Variants in ABCC4 observed in about 807,000 individuals in gnomAD.
ABCC4 encodes the protein ATP-binding cassette sub-family C member 4.
Under a neutral mutation model 168.5 loss-of-function variants are expected in ABCC4, and 102 were observed. The observed-to-expected ratio is 0.61, with a 90% CI of 0.52 to 0.71. The LOEUF is 0.71. Among genes scored for constraint, ABCC4 ranks in the 30% least tolerant of loss-of-function variants. The probability of loss-of-function intolerance (pLI) is 0.00; values close to 1 mark genes in which losing one functional copy is unlikely to be tolerated. For missense variants in ABCC4, 1,402 were observed against 1,605.8 expected, an observed-to-expected ratio of 0.87 and a Z score of 2.17; for synonymous variants, 617 against 590.7, an observed-to-expected ratio of 1.04 and a Z score of -0.65.
At position 95,104,122 on chromosome 13, in the gene ABCC4, T is replaced by G. The variant is rs577943241; in HGVS notation, c.2535+11800A>C. On this transcript the variant is annotated intron_variant, in intron 20 of 30. Coordinates refer to ENST00000645237, the MANE Select transcript of ABCC4 (RefSeq NM_005845.5). The stretch of plus-strand genomic sequence containing the variant: ...TTGAGGTTTTTTTGGTTTGGGTTTT[T>G]TTGTTGTTGTTGTTGAGATGGAGTC... 3.3e-4 allele frequency among the ~76,000 whole-genome samples: 50 copies of G among 152,258 alleles called. 1 individual carries two copies. The highest frequency in any genetic ancestry group is 3.4e-3 in the Middle Eastern group (1 of 294).
At chr13:95,263,791 T>C (rs7991972) in intron 1 of ABCC4, among the ~76,000 whole-genome samples, 56,254 of 151,030 alleles carry the variant, frequency 0.37, 12,268 homozygotes, top group African/African-American at 0.62. Context: ...CCACTGTACT[T>C]CAGCCTGGGT....
chr13:95,286,684 C>T (rs1250980676), intron 1 of ABCC4, among the ~76,000 whole-genome samples: 1 of 152,086 alleles, frequency 6.6e-6, no homozygotes, highest in East Asian at 1.9e-4. Flanking sequence ...AGGCCGGGCG[C>T]GGAGGCTCAC....
intron 19 of ABCC4, among the ~76,000 whole-genome samples, chr13:95,126,645 T>C (rs993286551): frequency 6.8e-6 from 1 of 147,982 alleles, no homozygotes; most frequent in Non-Finnish European, 1.5e-5. Context: ...TTTTAATATC[T>C]GGGAACCGCC....
intron 1 of ABCC4, among the ~76,000 whole-genome samples, chr13:95,272,395 A>T (rs1397415303): frequency 1.3e-5 from 2 of 151,998 alleles, no homozygotes; most frequent in African/African-American, 4.8e-5. Context: ...TCTCTAAGCA[A>T]TCTAATTTAT....
chr13:95,201,562 T>C (rs1029557655), intron 8 of ABCC4, among the ~76,000 whole-genome samples: 1 of 152,222 alleles, frequency 6.6e-6, no homozygotes, highest in Non-Finnish European at 1.5e-5. Context: ...TGTCTGCCTT[T>C]TGTAAGTTTA....
intron 29 of ABCC4, among the ~76,000 whole-genome samples, chr13:95,039,741 T>C (rs1316254722): frequency 2.0e-5 from 3 of 152,216 alleles, no homozygotes; most frequent in Non-Finnish European, 4.4e-5. Context: ...ATATAAAAAT[T>C]AAGTGAACAA....
Position 95,269,437 on chromosome 13 carries a change from ATATATAT to A in ABCC4, c.75-21691_75-21685del, listed in dbSNP as rs1566586383. 778 of 99,438 alleles carry A rather than the reference ATATATAT, an allele frequency of 7.8e-3. 7 individuals are homozygous for A. The highest frequency in any genetic ancestry group is 0.04 in the African/African-American group (610 of 15,094). 6.2% of individuals were successfully genotyped at this position (99,438 alleles called of 1,614,324 possible). A position where few individuals can be genotyped will look rare whatever the true frequency, so the allele number is the denominator to read the frequency against. On this transcript the variant is annotated intron_variant, in intron 1 of 30. Transcript: ENST00000645237. Reference sequence around the variant, plus strand: ...CGAGACTCCATCTCAAAAAAAAAATATATATATATATATATATATATACACACAACAT... The same window carrying A: ...CGAGACTCCATCTCAAAAAAAAAATAATATATATATATATACACACAACAT...
At chr13:95,218,870 G>C (rs2039200989) in intron 4 of ABCC4, among the ~76,000 whole-genome samples, 1 of 130,382 alleles carries the variant, frequency 7.7e-6, no homozygotes, top group Non-Finnish European at 1.6e-5. Context: ...AAAAAGAAAA[G>C]AAAAGAAAAG....
At chr13:95,104,715 C>T (rs978248327) in intron 20 of ABCC4, among the ~76,000 whole-genome samples, 1 of 152,128 alleles carries the variant, frequency 6.6e-6, no homozygotes. Context: ...AGCATGAATA[C>T]GTTGAGGAAG....
chr13:95,196,953 C>T (rs2038474248), intron 8 of ABCC4, among the ~76,000 whole-genome samples: 1 of 152,178 alleles, frequency 6.6e-6, no homozygotes, highest in African/African-American at 2.4e-5. Context: ...CATGACCCAG[C>T]AGCACTGACA....
intron 1 of ABCC4, among the ~76,000 whole-genome samples, chr13:95,273,617 T>C (rs575447000): frequency 6.6e-6 from 1 of 151,710 alleles, no homozygotes; most frequent in South Asian, 2.1e-4. Context: ...CAAATGCCTC[T>C]TCCTGCTGGC....
At chr13:95,280,898 G>A (rs2138915223) in intron 1 of ABCC4, among the ~76,000 whole-genome samples, 1 of 152,044 alleles carries the variant, frequency 6.6e-6, no homozygotes, top group South Asian at 2.1e-4. Flanking sequence ...TTCTTCAAAT[G>A]GACCAATTTT....
chr13:95,066,867 C>T (rs2033566144), intron 25 of ABCC4, among the ~76,000 whole-genome samples: 1 of 152,214 alleles, frequency 6.6e-6, no homozygotes, highest in African/African-American at 2.4e-5. Flanking sequence ...CACTGGCCTG[C>T]CATACTGGTC....
chr13:95,271,550 T>C (rs1339620728), intron 1 of ABCC4, among the ~76,000 whole-genome samples: 1 of 152,218 alleles, frequency 6.6e-6, no homozygotes, highest in East Asian at 1.9e-4. Context: ...GTATTTGCGT[T>C]ACCTCAGCCC....
intron 21 of ABCC4, among the ~76,000 whole-genome samples, chr13:95,080,093 C>T (rs554695363): frequency 6.6e-6 from 1 of 152,280 alleles, no homozygotes; most frequent in South Asian, 2.1e-4. Context: ...AACAGCCTTC[C>T]CTATTCCTGT....
chr13:95,218,963 A>AAG (rs1186058509), intron 4 of ABCC4, among the ~76,000 whole-genome samples: 1 of 40,258 alleles, frequency 2.5e-5, no homozygotes, highest in African/African-American at 1.3e-4. Flanking sequence ...GAAAGAAAGA[A>AAG]AGAAAGAAAG....
At chr13:95,087,503 C>CATAACAGGTTATGT (rs2034296854) in intron 20 of ABCC4, among the ~76,000 whole-genome samples, 1 of 152,068 alleles carries the variant, frequency 6.6e-6, no homozygotes, top group Non-Finnish European at 1.5e-5. Context: ...AAAATAAAAC[C>CATAACAGGTTATGT]TACTTCTCAA....
chr13:95,272,760 T>C (rs2040876381), intron 1 of ABCC4, among the ~76,000 whole-genome samples: 1 of 146,982 alleles, frequency 6.8e-6, no homozygotes, highest in African/African-American at 2.6e-5. Context: ...TGGTGGTGCA[T>C]GCCTGTAATC....
intron 14 of ABCC4, among the ~76,000 whole-genome samples, chr13:95,169,829 A>C (rs2037405680): frequency 6.6e-6 from 1 of 152,180 alleles, no homozygotes; most frequent in Non-Finnish European, 1.5e-5. Context: ...TCAGTTATCC[A>C]ACTGTGTTGC....
Sources: gnomAD v4.1 joint callset for allele counts (sites outside exome capture counted in the v4.1 genomes callset) on GRCh38, gnomAD v4.1.1 for gene constraint, MANE v1.5 for transcripts, NCBI Gene and HGNC (gene_info 2026-07-23, HGNC 2026-07-21) for gene names.